HDHD2: variants seen among roughly 807,000 people sequenced by gnomAD.
The protein encoded by HDHD2 is haloacid dehalogenase-like hydrolase domain-containing protein 2.
A neutral mutation model predicts 24.8 loss-of-function variants in HDHD2; 26 were observed. That is an observed-to-expected ratio of 1.05 (90% confidence interval 0.77 to 1.45). The LOEUF (loss-of-function observed/expected upper bound fraction) is 1.45, where lower values mean the gene tolerates loss of function less well. HDHD2 is among the 40% of genes most tolerant of loss of function. The pLI is 0.00. For missense variants in HDHD2, 299 were observed against 313.4 expected (o/e 0.95, Z 0.35); for synonymous variants, 128 against 114.9 (o/e 1.11, Z -0.73).
chr18:47,115,180 T>G lies in HDHD2; in HGVS notation c.564A>C (p.Ala188=). 1.9e-6 allele frequency: 3 copies of G among 1,613,906 alleles called. No individual in the cohort carries two copies. Among genetic ancestry groups the G allele is most frequent in the East Asian group, 2.2e-5 (1 of 44,840 alleles). The change falls in exon 5 of 7, where the codon GCA becomes GCC. Residue 188 remains alanine, a synonymous_variant. Coordinates refer to ENST00000300605, the MANE Select transcript of HDHD2 (RefSeq NM_032124.5). The stretch of plus-strand genomic sequence containing the variant: ...CAGGTTCACAGCCAGTGCCCCGCAA[T>G]GCTTCCAAAAAGAACGTCTTCTCTG... ...GKPEKTFFLE[A]LRGTGCEPEE...
chr18:47,108,564 G>T lies in HDHD2; in HGVS notation c.*118C>A. On this transcript the variant is annotated 3_prime_UTR_variant, in exon 7 of 7. Transcript: ENST00000300605. ...TTTCTAATTAATGCACAACAAAAGA[G>T]GGTTAAAAAGCGATCAGCACTGACT... 1.9e-6 allele frequency: 1 copy of T among 539,422 alleles called. No individual in the cohort carries two copies. The highest frequency in any genetic ancestry group is 3.2e-5 in the East Asian group (1 of 31,012). 33.4% of individuals were successfully genotyped at this position (539,422 alleles called of 1,614,324 possible).
At chr18:47,122,412 T>C (rs780331523) in intron 4 of HDHD2, among the ~76,000 whole-genome samples, 15 of 152,166 alleles carry the variant, frequency 9.9e-5, no homozygotes, top group Non-Finnish European at 2.1e-4. Flanking sequence ...ATCCCTGGCC[T>C]CTACCCATCA....
chr18:47,110,718 G>T, intron 6 of HDHD2: 1 of 985,400 alleles, frequency 1.0e-6, no homozygotes, highest in Non-Finnish European at 1.2e-6. Context: ...CACTGCAGCA[G>T]CCTGTGCTTT....
At chr18:47,132,899 AG>A (rs1207752014) in intron 3 of HDHD2, among the ~76,000 whole-genome samples, 1 of 152,214 alleles carries the variant, frequency 6.6e-6, no homozygotes, top group African/African-American at 2.4e-5. Context: ...TTAAACAAAG[AG>A]GTCCTGGTGT....
At chr18:47,120,084 C>A (rs1018967564) in intron 4 of HDHD2, among the ~76,000 whole-genome samples, 2 of 152,184 alleles carry the variant, frequency 1.3e-5, no homozygotes, top group East Asian at 1.9e-4. Flanking sequence ...TTATAGAGCA[C>A]AGGTTTGAAC....
At position 47,136,924 on chromosome 18, in the gene HDHD2, G is replaced by A. The variant is rs116592436; in HGVS notation, c.-10-475C>T. 3.2e-3 allele frequency: 1,450 copies of A among 460,158 alleles called. 12 individuals are homozygous for A. Among genetic ancestry groups the A allele is most frequent in the African/African-American group, 0.025 (1,282 of 50,302 alleles). The allele number at this position is 460,158 out of a possible 1,614,324, so 28.5% of individuals were successfully genotyped here. The stretch of plus-strand genomic sequence containing the variant: ...GAAACAGAATATGTGGCTCTCCCTC[G>A]TCCACCACTGCCACCTCCTCCTTTT... On this transcript the variant is annotated intron_variant, in intron 1 of 6. Coordinates refer to ENST00000300605, the MANE Select transcript of HDHD2 (RefSeq NM_032124.5).
intron 4 of HDHD2, among the ~76,000 whole-genome samples, chr18:47,122,479 C>T (rs1857228903): frequency 6.6e-6 from 1 of 152,124 alleles, no homozygotes; most frequent in African/African-American, 2.4e-5. Context: ...TGTCTCCAAA[C>T]CTTACCAAAA....
chr18:47,135,466 G>A (rs750615783), intron 2 of HDHD2, among the ~76,000 whole-genome samples: 11 of 151,892 alleles, frequency 7.2e-5, no homozygotes, highest in Non-Finnish European at 1.0e-4. Flanking sequence ...TCTCCATGTC[G>A]GTCAGGCTGG....
rs749750718 is a variant in HDHD2, at chr18:47,134,661, T to G, written c.145A>C (p.Thr49Pro). The stretch of plus-strand genomic sequence containing the variant: ...AACAGGTCTTGCTTGCTCTCTTTGG[T>G]TGTATTGGTCACAAACCTAATGATT... ...SVIIRFVTNT[T>P]KESKQDLLER... The change falls in exon 3 of 7, where the codon ACC becomes CCC. Residue 49 changes from threonine (T) to proline (P), a missense_variant. By Grantham distance (38) the Thr-to-Pro change is conservative (BLOSUM62 -1). Coordinates refer to ENST00000300605, the MANE Select transcript of HDHD2 (RefSeq NM_032124.5). 5.5e-5 allele frequency: 89 copies of G among 1,614,058 alleles called. No homozygotes were observed. Among genetic ancestry groups the G allele is most frequent in the Non-Finnish European group, 6.9e-5 (81 of 1,180,024 alleles).
intron 4 of HDHD2, among the ~76,000 whole-genome samples, chr18:47,126,821 T>C (rs2063663009): frequency 6.6e-6 from 1 of 152,038 alleles, no homozygotes; most frequent in Non-Finnish European, 1.5e-5. Context: ...AAAGCATAAA[T>C]ACTGCTCAAC....
At position 47,108,043 on chromosome 18, in the gene HDHD2, TAA is replaced by T. The variant is rs1478179559; in HGVS notation, c.*637_*638del. 2 of 152,658 alleles carry T rather than the reference TAA, an allele frequency of 1.3e-5. No homozygotes were observed. The highest frequency in any genetic ancestry group is 4.8e-5 in the African/African-American group (2 of 41,454). The allele number at this position is 152,658 out of a possible 1,614,324, so 9.5% of individuals were successfully genotyped here. On this transcript the variant is annotated 3_prime_UTR_variant, in exon 7 of 7. Transcript: ENST00000300605. ...TATTAATGGAAATATTAATTTAAAT[TAA>T]AATCTGGTTCTAAATTTAAATTAGT...
chr18:47,112,608 A>T (rs2063524183), intron 6 of HDHD2, among the ~76,000 whole-genome samples: 1 of 152,226 alleles, frequency 6.6e-6, no homozygotes, highest in Non-Finnish European at 1.5e-5. Flanking sequence ...TTTCCTAAAG[A>T]AATCAGTATC....
chr18:47,108,575 C>T lies in HDHD2; in HGVS notation c.*107G>A, dbSNP rs1030479162. 7 of 568,356 alleles carry T rather than the reference C, an allele frequency of 1.2e-5. No individual in the cohort carries two copies. Among genetic ancestry groups the T allele is most frequent in the South Asian group, 2.9e-5 (1 of 34,356 alleles). The allele number at this position is 568,356 out of a possible 1,614,324, so 35.2% of individuals were successfully genotyped here. A position where few individuals can be genotyped will look rare whatever the true frequency, so the allele number is the denominator to read the frequency against. ...TGCACAACAAAAGAGGGTTAAAAAG[C>T]GATCAGCACTGACTGGTGTCTACCG... On this transcript the variant is annotated 3_prime_UTR_variant, in exon 7 of 7. Transcript: ENST00000300605.
chr18:47,128,465 G>T (rs550298048), intron 4 of HDHD2, among the ~76,000 whole-genome samples: 1 of 152,310 alleles, frequency 6.6e-6, no homozygotes, highest in African/African-American at 2.4e-5. Context: ...TACTTAAGGA[G>T]CAGATGGCAT....
intron 2 of HDHD2, 65 bp downstream of exon 2, chr18:47,136,273 AT>A: frequency 6.3e-7 from 1 of 1,594,230 alleles, no homozygotes; most frequent in South Asian, 1.1e-5. Flanking sequence ...CATTTAGCTA[AT>A]GATCTGCCGT....
chr18:47,130,162 A>G lies in HDHD2; in HGVS notation c.395+82T>C. 4 of 853,964 alleles carry G rather than the reference A, an allele frequency of 4.7e-6. No individual in the cohort carries two copies. In the South Asian group the frequency reaches 6.7e-5, roughly 14 times the overall value. The allele number at this position is 853,964 out of a possible 1,614,324, so 52.9% of individuals were successfully genotyped here. A position where few individuals can be genotyped will look rare whatever the true frequency, so the allele number is the denominator to read the frequency against. On this transcript the variant is annotated intron_variant, in intron 4 of 6. Coordinates refer to ENST00000300605, the MANE Select transcript of HDHD2 (RefSeq NM_032124.5). The stretch of plus-strand genomic sequence containing the variant: ...TTTAGGTGGCCAGAAAGTAAAACAC[A>G]TAAACCCATTCATGACAATGACAAA...
At chr18:47,136,832 A>C (rs1045506450) in intron 1 of HDHD2, among the ~76,000 whole-genome samples, 1 of 152,188 alleles carries the variant, frequency 6.6e-6, no homozygotes, top group Non-Finnish European at 1.5e-5. Context: ...TCATTAGCAG[A>C]GTCTTCTTCA....
chr18:47,139,430 A>T (rs2063798891), intron 1 of HDHD2, among the ~76,000 whole-genome samples: 1 of 132,762 alleles, frequency 7.5e-6, no homozygotes, highest in Non-Finnish European at 1.5e-5. Flanking sequence ...GTGCCACTGC[A>T]CTCCAGCCTG....
At position 47,115,362 on chromosome 18, in the gene HDHD2, C is replaced by T. The variant is rs1401797723; in HGVS notation, c.396-14G>A. ...TCCAGGAGTAACCTAGAGAGAACAA[C>T]AACAAAAAAAACAAATTGGCTAAAA... On this transcript the variant is annotated splice_polypyrimidine_tract_variant and intron_variant, in intron 4 of 6. Coordinates refer to ENST00000300605, the MANE Select transcript of HDHD2 (RefSeq NM_032124.5). 8 of 1,591,348 alleles carry T rather than the reference C, an allele frequency of 5.0e-6. No individual in the cohort carries two copies. Among genetic ancestry groups the T allele is most frequent in the Non-Finnish European group, 6.9e-6 (8 of 1,167,848 alleles).
Sources: gnomAD v4.1 joint callset for allele counts (sites outside exome capture counted in the v4.1 genomes callset) on GRCh38, gnomAD v4.1.1 for gene constraint, MANE v1.5 for transcripts, NCBI Gene and HGNC (gene_info 2026-07-23, HGNC 2026-07-21) for gene names.